The following SNTG1 variants were observed in gnomAD, a reference collection of about 807,000 sequenced individuals.
The protein encoded by SNTG1 is gamma-1-syntrophin.
A neutral mutation model predicts 74.7 loss-of-function variants in SNTG1; 39 were observed. That is an observed-to-expected ratio of 0.52 (90% confidence interval 0.40 to 0.68). SNTG1 has a LOEUF of 0.68. Among genes scored for constraint, SNTG1 ranks in the 30% least tolerant of loss-of-function variants. The pLI is 0.00. For synonymous variants in SNTG1, 254 were observed against 217.1 expected (o/e 1.17, Z -1.49); for missense variants, 685 against 609.5 (o/e 1.12, Z -1.30).
chr8:50,480,202 C>T (rs1456051424), intron 8 of SNTG1, among the ~76,000 whole-genome samples: 1 of 149,776 alleles, frequency 6.7e-6, no homozygotes, highest in African/African-American at 2.4e-5. Context: ...TGCATTTACC[C>T]CACCTGAATT....
intron 8 of SNTG1, among the ~76,000 whole-genome samples, chr8:50,499,435 T>C (rs199909252): frequency 2.5e-4 from 37 of 150,918 alleles, no homozygotes; most frequent in African/African-American, 8.0e-4. Flanking sequence ...TTTTTTTTTT[T>C]GGTAGATTCT....
At chr8:49,957,579 C>T (rs1027081593) in intron 1 of SNTG1, among the ~76,000 whole-genome samples, 6 of 152,154 alleles carry the variant, frequency 3.9e-5, no homozygotes, top group Admixed American at 2.6e-4. Flanking sequence ...AGGAAAGAAA[C>T]ATGTTCCAGA....
At chr8:50,565,534 A>T (rs1005772251) in intron 12 of SNTG1, among the ~76,000 whole-genome samples, 2 of 152,116 alleles carry the variant, frequency 1.3e-5, no homozygotes, top group African/African-American at 4.8e-5. Context: ...TAATTAAGTT[A>T]ACCCCAGGTA....
intron 1 of SNTG1, chr8:50,163,860 C>T (rs2082516597): frequency 6.6e-6 from 1 of 152,092 alleles, no homozygotes; most frequent in South Asian, 2.1e-4. Context: ...CTAAATGGAA[C>T]ATGACAAGTT....
chr8:50,682,082 A>G (rs1034320869), intron 15 of SNTG1, among the ~76,000 whole-genome samples: 9 of 152,150 alleles, frequency 5.9e-5, no homozygotes, highest in Non-Finnish European at 1.5e-5. Flanking sequence ...AAAAAGAAGA[A>G]ATAGCACTTG....
intron 2 of SNTG1, among the ~76,000 whole-genome samples, chr8:50,251,628 G>A (rs1360714071): frequency 6.6e-6 from 1 of 151,368 alleles, no homozygotes; most frequent in Non-Finnish European, 1.5e-5. Flanking sequence ...AAAAGACAAA[G>A]GATATTATTA....
chr8:50,593,598 C>T (rs1208928388), intron 13 of SNTG1, among the ~76,000 whole-genome samples: 2 of 151,960 alleles, frequency 1.3e-5, no homozygotes, highest in Non-Finnish European at 2.9e-5. Context: ...ATTGCCTCCA[C>T]TTGAAATCAT....
chr8:50,072,092 T>C (rs1458779550), intron 1 of SNTG1, among the ~76,000 whole-genome samples: 1 of 152,210 alleles, frequency 6.6e-6, no homozygotes, highest in Admixed American at 6.5e-5. Flanking sequence ...GAAAATTAAA[T>C]AGCAGATTAC....
intron 2 of SNTG1, among the ~76,000 whole-genome samples, chr8:50,383,959 A>G (rs1215810642): frequency 1.3e-5 from 2 of 152,146 alleles, no homozygotes. Context: ...ATCTCCTAAT[A>G]GAAACATTCT....
At chr8:50,450,820 C>A in intron 8 of SNTG1, 91 bp downstream of exon 8, 2 of 1,249,802 alleles carry the variant, frequency 1.6e-6, no homozygotes, top group South Asian at 1.3e-5. Context: ...ATTCATTAGG[C>A]AGATATGACA....
chr8:50,048,082 C>T (rs1006621081), intron 1 of SNTG1, among the ~76,000 whole-genome samples: 2 of 151,956 alleles, frequency 1.3e-5, no homozygotes, highest in Non-Finnish European at 2.9e-5. Context: ...ATTGTAAATA[C>T]ATTTTTTGTG....
chr8:50,639,857 A>T (rs2095061468), intron 13 of SNTG1, among the ~76,000 whole-genome samples: 1 of 152,202 alleles, frequency 6.6e-6, no homozygotes, highest in Non-Finnish European at 1.5e-5. Context: ...TTATCAACAA[A>T]AATGTCCCCA....
chr8:50,227,469 G>C (rs2132035779), intron 2 of SNTG1, among the ~76,000 whole-genome samples: 1 of 152,190 alleles, frequency 6.6e-6, no homozygotes, highest in African/African-American at 2.4e-5. Flanking sequence ...ATGCAGAATG[G>C]TATTTCTCTC....
chr8:50,468,297 A>AT (rs1245180348), intron 8 of SNTG1, among the ~76,000 whole-genome samples: 7 of 152,052 alleles, frequency 4.6e-5, no homozygotes, highest in Admixed American at 1.3e-4. Flanking sequence ...CACACATATA[A>AT]TAACATGCTG....
chr8:50,140,880 T>G (rs2081635507), intron 1 of SNTG1, among the ~76,000 whole-genome samples: 1 of 152,160 alleles, frequency 6.6e-6, no homozygotes, highest in African/African-American at 2.4e-5. Context: ...ATACATTGGT[T>G]CCATTATAAA....
At chr8:50,681,118 A>G (rs1394917585) in intron 15 of SNTG1, among the ~76,000 whole-genome samples, 1 of 152,184 alleles carries the variant, frequency 6.6e-6, no homozygotes, top group East Asian at 1.9e-4. Flanking sequence ...AATATAATAA[A>G]TTATAGACAT....
chr8:50,298,105 C>T (rs1038332486), intron 2 of SNTG1, among the ~76,000 whole-genome samples: 6 of 151,898 alleles, frequency 4.0e-5, no homozygotes, highest in African/African-American at 7.3e-5. Context: ...CATCCCTCTC[C>T]GCAAGATAAA....
At chr8:50,219,082 A>G (rs942296585) in intron 2 of SNTG1, among the ~76,000 whole-genome samples, 3 of 152,218 alleles carry the variant, frequency 2.0e-5, no homozygotes, top group Non-Finnish European at 4.4e-5. Context: ...AGAAGAAAGT[A>G]ACCAAAGAAT....
chr8:50,439,810 A>C (rs2093341959), intron 5 of SNTG1, among the ~76,000 whole-genome samples: 1 of 150,766 alleles, frequency 6.6e-6, no homozygotes, highest in Admixed American at 6.6e-5. Context: ...CATGAATAAA[A>C]TCCAATAGTG....
Sources: gnomAD v4.1 joint callset for allele counts (sites outside exome capture counted in the v4.1 genomes callset) on GRCh38, gnomAD v4.1.1 for gene constraint, MANE v1.5 for transcripts, NCBI Gene and HGNC (gene_info 2026-07-23, HGNC 2026-07-21) for gene names.